EMSY: variants seen among roughly 807,000 people sequenced by gnomAD.
EMSY encodes the protein EMSY transcriptional repressor, BRCA2 interacting.
In EMSY, 26 loss-of-function variants were observed where a neutral mutation model predicts 134.6. The observed-to-expected ratio is 0.19, with a 90% CI of 0.14 to 0.27. EMSY has a LOEUF of 0.27. Among genes scored for constraint, EMSY ranks in the 10% least tolerant of loss-of-function variants. EMSY has a pLI of 1.00. For missense variants in EMSY, 1,305 were observed against 1,611.4 expected (o/e 0.81, Z 3.26); for synonymous variants, 579 against 577.8 (o/e 1.00, Z -0.03).
chr11:76,490,041 G>A (rs1949357358), intron 8 of EMSY, among the ~76,000 whole-genome samples: 1 of 152,150 alleles, frequency 6.6e-6, no homozygotes, highest in African/African-American at 2.4e-5. Flanking sequence ...ATTGGAAGGT[G>A]TAGTCCATTT....
intron 18 of EMSY, among the ~76,000 whole-genome samples, chr11:76,542,753 G>GTTTTTTTTTTTTTTT (rs1555077830): frequency 5.5e-5 from 6 of 109,254 alleles, no homozygotes; most frequent in Non-Finnish European, 9.4e-5. Context: ...TTCGTTTTTT[G>GTTTTTTTTTTTTTTT]TTTTTTTTTT....
At chr11:76,494,655 C>T (rs1365606906) in intron 8 of EMSY, among the ~76,000 whole-genome samples, 8 of 1,560 alleles carry the variant, frequency 5.1e-3, no homozygotes, top group African/African-American at 0.012. Context: ...CTTTCCCTTC[C>T]TTCCTTCCTT....
Position 76,493,904 on chromosome 11 carries a change from G to T in EMSY, c.1109-2311G>T, listed in dbSNP as rs368930290. The stretch of plus-strand genomic sequence containing the variant: ...GCTCCCCATGTTACCAGTGACAGGA[G>T]AGAAGAGCTGCAGCCCTTGGGGGAG... On this transcript the variant is annotated intron_variant, in intron 8 of 20. Transcript: ENST00000334736. Among the ~76,000 whole-genome samples, 19 of 152,340 alleles carry T rather than the reference G, an allele frequency of 1.2e-4. No homozygotes were observed. In the East Asian group the frequency reaches 3.7e-3, roughly 29 times the overall value.
intron 1 of EMSY, among the ~76,000 whole-genome samples, chr11:76,445,878 C>G (rs1319880839): frequency 6.6e-6 from 1 of 152,132 alleles, no homozygotes; most frequent in African/African-American, 2.4e-5. Context: ...GGCTGGGGCG[C>G]GCAGTCCAGT....
At chr11:76,453,239 G>T in intron 3 of EMSY, 75 bp from the exon 4 acceptor site, 1 of 1,385,800 alleles carries the variant, frequency 7.2e-7, no homozygotes, top group South Asian at 1.3e-5. Context: ...CAAAAATGTT[G>T]ACTTAAACAT....
intron 7 of EMSY, among the ~76,000 whole-genome samples, chr11:76,465,005 A>C (rs1052754669): frequency 6.6e-6 from 1 of 152,202 alleles, no homozygotes; most frequent in African/African-American, 2.4e-5. Context: ...ACAAACTTTC[A>C]GTAACTTTCA....
intron 3 of EMSY, 82 bp from the exon 4 acceptor site, chr11:76,453,232 A>G: frequency 7.6e-7 from 1 of 1,315,406 alleles, no homozygotes; most frequent in South Asian, 1.3e-5. Context: ...CTCCCCCCAA[A>G]AATGTTGACT....
intron 6 of EMSY, 123 bp from the exon 8 acceptor site, chr11:76,463,697 AG>A: frequency 9.4e-7 from 1 of 1,063,640 alleles, no homozygotes; most frequent in Non-Finnish European, 1.3e-6. Context: ...GAAGATTGAT[AG>A]AACTTATTGG....
chr11:76,524,917 C>T (rs1027074584), intron 12 of EMSY, among the ~76,000 whole-genome samples: 1 of 152,152 alleles, frequency 6.6e-6, no homozygotes, highest in African/African-American at 2.4e-5. Flanking sequence ...ACTTGGGAGG[C>T]TGAGGTGGAG....
chr11:76,516,068 C>G, intron 10 of EMSY, 74 bp from the exon 12 acceptor site: 1 of 1,279,668 alleles, frequency 7.8e-7, no homozygotes, highest in Non-Finnish European at 1.1e-6. Flanking sequence ...TATGGAATTA[C>G]AGTTAAACTG....
intron 15 of EMSY, among the ~76,000 whole-genome samples, chr11:76,536,523 T>G (rs142787769): frequency 6.6e-6 from 1 of 152,344 alleles, no homozygotes; most frequent in Non-Finnish European, 1.5e-5. Flanking sequence ...AACATTCTGA[T>G]TTGTTTTAAT....
chr11:76,460,022 A>C (rs1948043799), exon 6 of EMSY: 2 of 1,614,194 alleles, frequency 1.2e-6, no homozygotes, highest in Non-Finnish European at 1.7e-6. Context: ...TAAGTCTCCA[A>C]GACCTGCCAG....
intron 18 of EMSY, 85 bp from the exon 20 acceptor site, chr11:76,544,174 C>G: frequency 7.4e-7 from 1 of 1,349,872 alleles, no homozygotes; most frequent in South Asian, 1.5e-5. Flanking sequence ...GAGTGAATCT[C>G]GTAAGTCTTT....
At chr11:76,542,944 T>C (rs936711227) in intron 18 of EMSY, among the ~76,000 whole-genome samples, 6 of 152,066 alleles carry the variant, frequency 3.9e-5, no homozygotes, top group Non-Finnish European at 7.4e-5. Flanking sequence ...AGGAAAAATA[T>C]GTTAATAGGT....
intron 19 of EMSY, 69 bp downstream of exon 20, chr11:76,544,891 G>T: frequency 6.7e-7 from 1 of 1,489,162 alleles, no homozygotes; most frequent in South Asian, 1.2e-5. Context: ...AGAACATCAC[G>T]ACCCTATCAT....
chr11:76,513,326 GTATAAGGGACATGTATT>G, intron 9 of EMSY, 43 bp from the exon 11 acceptor site: 1 of 1,557,114 alleles, frequency 6.4e-7, no homozygotes, highest in Non-Finnish European at 8.7e-7. Flanking sequence ...TCTTGGGTTG[GTATAAGGGACATGTATT>G]TAAAAATAAT....
intron 18 of EMSY, among the ~76,000 whole-genome samples, chr11:76,542,975 T>G (rs1431168248): frequency 6.6e-6 from 1 of 152,314 alleles, no homozygotes; most frequent in Non-Finnish European, 1.5e-5. Flanking sequence ...TCGGATACTG[T>G]GCTTTGAGCT....
intron 8 of EMSY, among the ~76,000 whole-genome samples, chr11:76,490,147 C>G (rs994216443): frequency 1.9e-4 from 29 of 151,510 alleles, no homozygotes; most frequent in African/African-American, 6.8e-4. Flanking sequence ...CTTTTGGTCT[C>G]TTTTCCAGTC....
intron 14 of EMSY, among the ~76,000 whole-genome samples, chr11:76,532,433 A>T (rs1216259091): frequency 6.7e-6 from 1 of 150,154 alleles, no homozygotes. Context: ...CTAGATATGG[A>T]TAGATAGCTA....
Sources: allele counts gnomAD v4.1 joint callset (sites outside exome capture counted in the v4.1 genomes callset), GRCh38; gene constraint gnomAD v4.1.1; transcripts MANE v1.5; gene names NCBI Gene and HGNC (gene_info 2026-07-23, HGNC 2026-07-21).